The following MARCHF1 variants were observed in gnomAD, a reference collection of about 807,000 sequenced individuals.
MARCHF1 encodes membrane associated ring-CH-type finger 1, also known as E3 ubiquitin-protein ligase MARCHF1.
In MARCHF1, 40 loss-of-function variants were observed where a neutral mutation model predicts 54.2. That is an observed-to-expected ratio of 0.74 (90% CI 0.57 to 0.96). The LOEUF (loss-of-function observed/expected upper bound fraction) is 0.96, where lower values mean the gene tolerates loss of function less well. MARCHF1 is among the 40% of genes least tolerant of loss of function. The pLI is 0.00. For missense variants in MARCHF1, 586 were observed against 656.5 expected (o/e 0.89, Z 1.17); for synonymous variants, 236 against 236.3 (o/e 1.00, Z 0.01).
chr4:164,284,576 AG>A (rs1734101571), intron 1 of MARCHF1, among the ~76,000 whole-genome samples: 1 of 151,104 alleles, frequency 6.6e-6, no homozygotes, highest in Non-Finnish European at 1.5e-5. Flanking sequence ...ACTTTTAATT[AG>A]TTTTAAATAG....
intron 3 of MARCHF1, among the ~76,000 whole-genome samples, chr4:163,978,905 T>G (rs534644017): frequency 1.4e-3 from 217 of 152,040 alleles, no homozygotes; most frequent in Middle Eastern, 3.4e-3. Context: ...TTTTGAATAT[T>G]TTATATAGAC....
chr4:163,593,825 A>T (rs1278061113), intron 7 of MARCHF1, among the ~76,000 whole-genome samples: 1 of 152,256 alleles, frequency 6.6e-6, no homozygotes, highest in East Asian at 1.9e-4. Context: ...GTTTTACAGC[A>T]GTTCCAACCA....
chr4:163,729,960 C>T (rs757153097), intron 4 of MARCHF1, among the ~76,000 whole-genome samples: 1 of 151,858 alleles, frequency 6.6e-6, no homozygotes, highest in Admixed American at 6.6e-5. Flanking sequence ...AATATTAATG[C>T]CTTTCATTAA....
intron 7 of MARCHF1, among the ~76,000 whole-genome samples, chr4:163,589,609 T>C (rs1740519804): frequency 6.6e-6 from 1 of 152,066 alleles, no homozygotes; most frequent in South Asian, 2.1e-4. Flanking sequence ...AAAGAAAGAA[T>C]TAAATAATTC....
chr4:163,567,743 T>G (rs749412254), intron 8 of MARCHF1, among the ~76,000 whole-genome samples: 2 of 152,210 alleles, frequency 1.3e-5, no homozygotes, highest in African/African-American at 4.8e-5. Context: ...TCATTAAACC[T>G]CTTTCTTTTG....
At chr4:163,689,061 T>C (rs1561020503) in intron 5 of MARCHF1, among the ~76,000 whole-genome samples, 1 of 152,148 alleles carries the variant, frequency 6.6e-6, no homozygotes, top group Non-Finnish European at 1.5e-5. Context: ...TGAGTTATTA[T>C]GAAATGCAAA....
intron 1 of MARCHF1, among the ~76,000 whole-genome samples, chr4:164,310,560 TA>T (rs1485535430): frequency 7.8e-6 from 1 of 128,154 alleles, no homozygotes; most frequent in African/African-American, 2.9e-5. Context: ...AAGAAACTAT[TA>T]AAACCATTCT....
At chr4:163,824,130 G>A (rs1187508345) in intron 4 of MARCHF1, among the ~76,000 whole-genome samples, 3 of 151,846 alleles carry the variant, frequency 2.0e-5, no homozygotes, top group African/African-American at 7.2e-5. Context: ...AGTGCATATA[G>A]TCTGCTTTTG....
chr4:163,870,578 G>A (rs2111215468), intron 3 of MARCHF1, among the ~76,000 whole-genome samples: 1 of 152,220 alleles, frequency 6.6e-6, no homozygotes, highest in East Asian at 1.9e-4. Flanking sequence ...GTAAAGCAAA[G>A]TGGGATGAAT....
chr4:163,979,784 AT>A (rs931765621), intron 3 of MARCHF1, among the ~76,000 whole-genome samples: 53 of 152,000 alleles, frequency 3.5e-4, no homozygotes, highest in Non-Finnish European at 6.8e-4. Context: ...GATGATGAGC[AT>A]TTTTTCATGT....
intron 2 of MARCHF1, among the ~76,000 whole-genome samples, chr4:164,069,185 G>T (rs1754803040): frequency 6.6e-6 from 1 of 152,212 alleles, no homozygotes; most frequent in Non-Finnish European, 1.5e-5. Flanking sequence ...CTCATGGATT[G>T]TAAATGCACC....
intron 5 of MARCHF1, among the ~76,000 whole-genome samples, chr4:163,679,304 AAT>A (rs918827044): frequency 6.6e-6 from 1 of 152,178 alleles, no homozygotes; most frequent in Non-Finnish European, 1.5e-5. Flanking sequence ...TCCAGAAGAA[AAT>A]CTCTGAGTAT....
chr4:163,782,199 G>C, intron 4 of MARCHF1, among the ~76,000 whole-genome samples: 1 of 61,848 alleles, frequency 1.6e-5, no homozygotes, highest in South Asian at 8.0e-4. Context: ...GAAGAGATGG[G>C]AATTGGATAG....
intron 9 of MARCHF1, among the ~76,000 whole-genome samples, chr4:163,536,355 G>A (rs6840193): frequency 0.1 from 15,918 of 152,010 alleles, 903 homozygotes; most frequent in East Asian, 0.13. Flanking sequence ...CTTTGTCTCC[G>A]ATCTTTTTTC....
chr4:164,128,503 A>T (rs1194502111), intron 1 of MARCHF1, among the ~76,000 whole-genome samples: 1 of 150,946 alleles, frequency 6.6e-6, no homozygotes, highest in South Asian at 2.1e-4. Flanking sequence ...TACACAAATG[A>T]CCCTTATACT....
intron 7 of MARCHF1, among the ~76,000 whole-genome samples, chr4:163,606,091 C>G (rs896322511): frequency 6.6e-6 from 1 of 151,996 alleles, no homozygotes; most frequent in African/African-American, 2.4e-5. Context: ...ATATATGAAA[C>G]CTATAGCATA....
chr4:164,334,573 G>A (rs924975516), intron 1 of MARCHF1, among the ~76,000 whole-genome samples: 12 of 151,766 alleles, frequency 7.9e-5, no homozygotes, highest in African/African-American at 2.9e-4. Context: ...CAATGCACCC[G>A]ATCACCAAGA....
chr4:163,711,639 G>T (rs1196128876), intron 4 of MARCHF1, among the ~76,000 whole-genome samples: 1 of 152,140 alleles, frequency 6.6e-6, no homozygotes, highest in African/African-American at 2.4e-5. Flanking sequence ...ACAATTGGAG[G>T]TCTCAGTATT....
At chr4:164,297,333 G>C (rs1022791893) in intron 1 of MARCHF1, among the ~76,000 whole-genome samples, 1 of 152,164 alleles carries the variant, frequency 6.6e-6, no homozygotes, top group Admixed American at 6.6e-5. Context: ...AGAGTACACT[G>C]TCTAAGTGAT....
Sources: gnomAD v4.1 joint callset for allele counts (sites outside exome capture counted in the v4.1 genomes callset) on GRCh38, gnomAD v4.1.1 for gene constraint, MANE v1.5 for transcripts, NCBI Gene and HGNC (gene_info 2026-07-23, HGNC 2026-07-21) for gene names.